The following DNAI3 variants were observed in gnomAD, a reference collection of about 807,000 sequenced individuals.
DNAI3 encodes dynein axonemal intermediate chain 3.
In DNAI3, 83 loss-of-function variants were observed where a neutral mutation model predicts 115.5. That is an observed-to-expected ratio of 0.72 (90% CI 0.60 to 0.86). DNAI3 has a LOEUF of 0.86. Among genes scored for constraint, DNAI3 ranks in the 40% least tolerant of loss-of-function variants. The pLI is 0.00. For missense variants in DNAI3, 1,004 were observed against 1,075.8 expected, an observed-to-expected ratio of 0.93 and a Z score of 0.93; for synonymous variants, 320 against 347.0, an observed-to-expected ratio of 0.92 and a Z score of 0.86.
At chr1:85,107,229 C>T (rs1021050782) in intron 14 of DNAI3, among the ~76,000 whole-genome samples, 3 of 152,146 alleles carry the variant, frequency 2.0e-5, no homozygotes, top group Middle Eastern at 3.2e-3. Context: ...CCAGCAATTC[C>T]AGTCCTAGAT....
At chr1:85,129,870 G>T in intron 21 of DNAI3, 120 bp from the exon 22 acceptor site, 1 of 1,092,236 alleles carries the variant, frequency 9.2e-7, no homozygotes. Context: ...AAGTAGATTA[G>T]GGAGGTAGAT....
intron 13 of DNAI3, among the ~76,000 whole-genome samples, chr1:85,099,842 G>C (rs537345779): frequency 3.3e-5 from 5 of 152,200 alleles, no homozygotes; most frequent in African/African-American, 9.6e-5. Flanking sequence ...TCTGATCTTT[G>C]ACAAACCTGA....
At chr1:85,118,050 C>T (rs751025508) in intron 17 of DNAI3, among the ~76,000 whole-genome samples, 191 bp downstream of exon 17, 4 of 152,102 alleles carry the variant, frequency 2.6e-5, no homozygotes, top group East Asian at 1.9e-4. Flanking sequence ...TGTTCCTGAA[C>T]GTATGTGGAC....
rs918891553 is a variant in DNAI3, at chr1:85,121,588, C to A, written c.1918-163C>A. ...TTTCTTCAATATAAAATTGAGTACTCATTTTGAGGCTTTCCCTCTCCCCCA... is the reference window on the plus strand; with the variant it reads ...TTTCTTCAATATAAAATTGAGTACTAATTTTGAGGCTTTCCCTCTCCCCCA... On this transcript the variant is annotated intron_variant, in intron 17 of 22. Transcript: ENST00000294664. Among the ~76,000 whole-genome samples, 3 of 152,206 alleles carry A rather than the reference C, an allele frequency of 2.0e-5. No homozygotes were observed. In the South Asian group the frequency reaches 6.2e-4, roughly 31 times the overall value.
chr1:85,099,829 C>T (rs1166898371), intron 13 of DNAI3, among the ~76,000 whole-genome samples: 9 of 152,132 alleles, frequency 5.9e-5, no homozygotes, highest in Admixed American at 5.9e-4. Flanking sequence ...ATATCTACAA[C>T]CATCTGATCT....
At chr1:85,083,402 A>G (rs1654688334) in intron 5 of DNAI3, among the ~76,000 whole-genome samples, 1 of 152,086 alleles carries the variant, frequency 6.6e-6, no homozygotes, top group Non-Finnish European at 1.5e-5. Context: ...TGGGTGGATC[A>G]CTTGGGCCGG....
chr1:85,079,657 A>G (rs531557007), intron 3 of DNAI3, among the ~76,000 whole-genome samples: 2 of 152,208 alleles, frequency 1.3e-5, no homozygotes, highest in South Asian at 4.2e-4. Context: ...AGTGATATGA[A>G]GGATAAAAAA....
chr1:85,124,289 C>T, intron 19 of DNAI3, 38 bp downstream of exon 19: 2 of 1,613,874 alleles, frequency 1.2e-6, no homozygotes, highest in Non-Finnish European at 1.7e-6. Context: ...AGTGTGTGAT[C>T]TTTTGTTATT....
chr1:85,071,005 A>G (rs1339953222), intron 1 of DNAI3, among the ~76,000 whole-genome samples: 1 of 152,252 alleles, frequency 6.6e-6, no homozygotes. Context: ...TATTTTGACC[A>G]TGGGCTATGA....
chr1:85,126,435 A>T, intron 19 of DNAI3, 76 bp from the exon 20 acceptor site: 2 of 1,451,148 alleles, frequency 1.4e-6, no homozygotes, highest in Non-Finnish European at 1.9e-6. Flanking sequence ...AGTTGTACTT[A>T]ATGAACAGCA....
chr1:85,095,224 TG>T (rs1418863200), intron 10 of DNAI3, among the ~76,000 whole-genome samples: 1 of 152,178 alleles, frequency 6.6e-6, no homozygotes, highest in Non-Finnish European at 1.5e-5. Flanking sequence ...GCCTAGTGGG[TG>T]GGTGGTGTAT....
intron 1 of DNAI3, among the ~76,000 whole-genome samples, 169 bp downstream of exon 1, chr1:85,062,655 G>A (rs981297571): frequency 2.0e-5 from 3 of 152,190 alleles, no homozygotes; most frequent in African/African-American, 4.8e-5. Flanking sequence ...AGCCTCGTGA[G>A]GGAAACAAAA....
At chr1:85,073,397 T>C (rs1257957571) in intron 3 of DNAI3, among the ~76,000 whole-genome samples, 2 of 152,220 alleles carry the variant, frequency 1.3e-5, no homozygotes, top group Admixed American at 1.3e-4. Context: ...ATCAGATAAG[T>C]ATTTTTTCAA....
chr1:85,094,339 A>G (rs1655065764), intron 9 of DNAI3, 92 bp from the exon 10 acceptor site: 2 of 1,531,690 alleles, frequency 1.3e-6, no homozygotes, highest in East Asian at 2.3e-5. Flanking sequence ...CAAAGTGTAA[A>G]TGAAGAGTGG....
intron 14 of DNAI3, 113 bp downstream of exon 14, chr1:85,104,710 T>A (rs1655433419): frequency 1.2e-6 from 1 of 817,254 alleles, no homozygotes; most frequent in Non-Finnish European, 1.9e-6. Context: ...CAATTAAATC[T>A]AATATAACTA....
At chr1:85,080,682 A>G (rs1654611382) in intron 3 of DNAI3, among the ~76,000 whole-genome samples, 1 of 152,246 alleles carries the variant, frequency 6.6e-6, no homozygotes, top group Non-Finnish European at 1.5e-5. Context: ...ATACCTTCCA[A>G]CAAATAATTT....
intron 20 of DNAI3, 103 bp from the exon 21 acceptor site, chr1:85,128,605 G>T: frequency 2.3e-6 from 2 of 859,682 alleles, no homozygotes; most frequent in Non-Finnish European, 1.8e-6. Flanking sequence ...ACCACAGCAG[G>T]TCCTTTGGGA....
chr1:85,087,040 T>A (rs1414446343), intron 7 of DNAI3, among the ~76,000 whole-genome samples: 2 of 152,064 alleles, frequency 1.3e-5, no homozygotes, highest in Non-Finnish European at 2.9e-5. Flanking sequence ...CCTGATGTGT[T>A]TAAGCTTACG....
chr1:85,079,727 C>A (rs1201236582), intron 3 of DNAI3, among the ~76,000 whole-genome samples: 1 of 152,082 alleles, frequency 6.6e-6, no homozygotes, highest in Non-Finnish European at 1.5e-5. Flanking sequence ...TGTCCTCTAG[C>A]GTCCACCCTC....
Sources: gnomAD v4.1 joint callset for allele counts (sites outside exome capture counted in the v4.1 genomes callset) on GRCh38, gnomAD v4.1.1 for gene constraint, MANE v1.5 for transcripts, NCBI Gene and HGNC (gene_info 2026-07-23, HGNC 2026-07-21) for gene names.